Variants in RAD51AP2 observed in about 807,000 individuals in gnomAD.
RAD51AP2 encodes RAD51-associated protein 2.
Under a neutral mutation model 85.5 loss-of-function variants are expected in RAD51AP2, and 67 were observed. The observed-to-expected ratio is 0.78, with a 90% CI of 0.64 to 0.96. The LOEUF (loss-of-function observed/expected upper bound fraction) is 0.96. RAD51AP2 is among the 40% of genes least tolerant of loss of function. The pLI, the probability that RAD51AP2 is intolerant of heterozygous loss-of-function variation, is 0.00. For missense variants in RAD51AP2, 1,307 were observed against 1,332.4 expected, an observed-to-expected ratio of 0.98 and a Z score of 0.30; for synonymous variants, 474 against 446.5, an observed-to-expected ratio of 1.06 and a Z score of -0.78.
At position 17,518,162 on chromosome 2, in the gene RAD51AP2, G is replaced by C. The variant is rs1173476106; in HGVS notation, c.254C>G (p.Ser85Cys). The C allele has an allele frequency of 1.9e-6, 3 of 1,614,042 alleles. No homozygotes were observed. In the Admixed American group the frequency reaches 5.0e-5, roughly 27 times the overall value. The change falls in exon 1 of 3, where the codon TCC (serine) becomes TGC (cysteine). Residue 85 changes from serine to cysteine, a missense_variant. Ser to Cys is a moderately radical substitution (Grantham distance 112, BLOSUM62 -1). Transcript: ENST00000399080. Reference protein sequence around the residue: ...LVSTNAIFDNSTDSCVEKSVS... With the variant: ...LVSTNAIFDNCTDSCVEKSVS... ...TGATTTCTCCACACACGAGTCTGTG[G>C]AGTTATCGAAAATAGCATTCGTTGA...
rs375110589 is a variant in RAD51AP2, at chr2:17,515,340, G to A, written c.3076C>T (p.Arg1026Cys). The A allele has an allele frequency of 1.5e-5, 24 of 1,612,010 alleles. No individual in the cohort carries two copies. The highest frequency in any genetic ancestry group is 1.6e-4 in the Middle Eastern group (1 of 6,078). Residue 1026 changes from arginine (R) to cysteine (C), a missense_variant, in exon 1 of 3, where the codon CGT (arginine) becomes TGT (cysteine). Arg to Cys is a radical substitution (Grantham distance 180). Coordinates refer to ENST00000399080, the MANE Select transcript of RAD51AP2 (RefSeq NM_001099218.3). ...DLKMVVVNKI[R>C]ASSSFHDTIA... The stretch of plus-strand genomic sequence containing the variant: ...GTATCATGGAACGAGGAAGATGCAC[G>A]TATTTTGTTGACCACAACCATTTTC...
Position 17,517,925 on chromosome 2 carries a change from A to G in RAD51AP2, c.491T>C (p.Ile164Thr). ...ATTTCTAATTCCATGTATATCGTGTATAGAGGTGCTGGGCAGAAGTTGACT... is the reference window on the plus strand; with the variant it reads ...ATTTCTAATTCCATGTATATCGTGTGTAGAGGTGCTGGGCAGAAGTTGACT... ...GVSQLLPSTSIHDIHGIRNEN... is the reference protein window; with the variant it reads ...GVSQLLPSTSTHDIHGIRNEN... The change falls in exon 1 of 3, where the codon ATA (isoleucine) becomes ACA (threonine). Residue 164 changes from isoleucine to threonine, a missense_variant. Ile to Thr is a moderately conservative substitution (Grantham distance 89, BLOSUM62 -1). This residue lies in a region of RAD51AP2 where 635 missense variants were observed against 643.6 expected (regional missense o/e 0.99). Transcript: ENST00000399080. The G allele has an allele frequency of 6.2e-7, 1 of 1,614,134 alleles. No individual in the cohort carries two copies. Among genetic ancestry groups the G allele is most frequent in the South Asian group, 1.1e-5 (1 of 91,080 alleles).
the RAD51AP2 span, among the ~76,000 whole-genome samples, chr2:17,525,139 G>C: frequency 3.3e-5 from 5 of 151,778 alleles, no homozygotes; most frequent in Admixed American, 6.6e-5. Flanking sequence ...AAGCAACAAG[G>C]GCCTGGAAGA....
At chr2:17,524,228 T>C in the RAD51AP2 span, among the ~76,000 whole-genome samples, 1 of 151,958 alleles carries the variant, frequency 6.6e-6, no homozygotes, top group Non-Finnish European at 1.5e-5. Flanking sequence ...ATTCATGTGT[T>C]TTGTTGTTTT....
chr2:17,531,287 C>T, the RAD51AP2 span, among the ~76,000 whole-genome samples: 1 of 152,226 alleles, frequency 6.6e-6, no homozygotes, highest in Admixed American at 6.5e-5. Flanking sequence ...GTAATATTCA[C>T]ATACTGGGGA....
chr2:17,535,020 C>T, the RAD51AP2 span, among the ~76,000 whole-genome samples: 1 of 152,118 alleles, frequency 6.6e-6, no homozygotes, highest in Non-Finnish European at 1.5e-5. Context: ...GATGTATTGT[C>T]ATTATATAGT....
upstream of RAD51AP2, chr2:17,518,477 T>C: frequency 6.5e-7 from 1 of 1,548,268 alleles, no homozygotes; most frequent in Non-Finnish European, 8.7e-7. Context: ...AATAGGCGGT[T>C]CCGGGCCGCT....
rs1662612844 is a variant in RAD51AP2 at position 17,515,157 on chromosome 2, T to G, written c.3247+12A>C. On this transcript the variant is annotated intron_variant, in intron 1 of 2. Coordinates refer to ENST00000399080, the MANE Select transcript of RAD51AP2 (RefSeq NM_001099218.3). ...TAGCATGAGAAATAATGTTCTAAAA[T>G]GAATTTCATACCTTTCTCAGAAGTA... 2.6e-6 allele frequency: 4 copies of G among 1,535,440 alleles called. No homozygotes were observed. The highest frequency in any genetic ancestry group is 3.5e-6 in the Non-Finnish European group (4 of 1,146,444).
the RAD51AP2 span, among the ~76,000 whole-genome samples, chr2:17,530,584 C>CAAAAAAAAA: frequency 2.5e-5 from 2 of 80,248 alleles, no homozygotes; most frequent in African/African-American, 1.2e-4. Context: ...GGCCCTGTCT[C>CAAAAAAAAA]AAAAAAAAAA....
chr2:17,519,654 C>A (rs888929062), upstream of RAD51AP2, among the ~76,000 whole-genome samples: 1 of 152,100 alleles, frequency 6.6e-6, no homozygotes, highest in Non-Finnish European at 1.5e-5. Context: ...GTAAATTCCT[C>A]TAGAGAAATG....
rs1322280069 is a variant in RAD51AP2, at chr2:17,517,828, G to C, written c.588C>G (p.Thr196=). ...VHKENPFLDV[T]FYKETKSPFH... is the part of the protein sequence containing the mutation. Reference sequence around the variant, plus strand: ...ATGGTGATTTAGTTTCCTTGTAAAAGGTAACATCTAAAAATGGATTTTCTT... The same window carrying C: ...ATGGTGATTTAGTTTCCTTGTAAAACGTAACATCTAAAAATGGATTTTCTT... Residue 196 remains threonine (T), a synonymous_variant, in exon 1 of 3, where the codon ACC becomes ACG. Transcript: ENST00000399080. 4 of 1,614,066 alleles carry C rather than the reference G, an allele frequency of 2.5e-6. No homozygotes were observed. In the Admixed American group the frequency reaches 5.0e-5, roughly 20 times the overall value.
the RAD51AP2 span, among the ~76,000 whole-genome samples, chr2:17,525,835 G>A: frequency 0.016 from 2,371 of 151,974 alleles, 72 homozygotes; most frequent in African/African-American, 0.055. Context: ...ATAGAATACG[G>A]GCTGCTTGGT....
At chr2:17,520,280 T>C (rs1395955668), upstream of RAD51AP2, among the ~76,000 whole-genome samples, 2 of 152,176 alleles carry the variant, frequency 1.3e-5, no homozygotes, top group African/African-American at 2.4e-5. Context: ...ACAATGGCTA[T>C]TGAAACCACT....
chr2:17,515,358 C>A lies in RAD51AP2; in HGVS notation c.3058G>T (p.Val1020Phe). ...KMEIEKDLKM[V>F]VVNKIRASSS... The stretch of plus-strand genomic sequence containing the variant: ...GATGCACGTATTTTGTTGACCACAA[C>A]CATTTTCAAATCTTTTTCTATCTCC... Residue 1020 changes from valine (V) to phenylalanine (F), a missense_variant, in exon 1 of 3, where the codon GTT becomes TTT. Physicochemically the swap from Val to Phe is conservative, Grantham distance 50. This residue lies in a region of RAD51AP2 where 668 missense variants were observed against 671.0 expected (regional missense o/e 1.00). Transcript: ENST00000399080. 1 of 1,611,802 alleles carries A rather than the reference C, an allele frequency of 6.2e-7. No homozygotes were observed. The highest frequency in any genetic ancestry group is 8.5e-7 in the Non-Finnish European group (1 of 1,179,404).
In RAD51AP2 at chr2:17,515,556, C is replaced by G; in HGVS notation, c.2860G>C (p.Glu954Gln). 1 of 1,608,800 alleles carries G rather than the reference C, an allele frequency of 6.2e-7. No homozygotes were observed. The highest frequency in any genetic ancestry group is 8.5e-7 in the Non-Finnish European group (1 of 1,178,552). The change falls in exon 1 of 3, where the codon GAA becomes CAA. Residue 954 changes from glutamate to glutamine, a missense_variant. Glu to Gln is a conservative substitution (Grantham distance 29, BLOSUM62 2). This residue lies in a region of RAD51AP2 where 668 missense variants were observed against 671.0 expected (regional missense o/e 1.00). Transcript: ENST00000399080. ...QDLAAKYLSTEALTIVKDFEM... is the reference protein window; with the variant it reads ...QDLAAKYLSTQALTIVKDFEM... The stretch of plus-strand genomic sequence containing the variant: ...AAATCTTTTACTATTGTCAGAGCTT[C>G]TGTTGATAAATATTTAGCAGCTAAG...
the RAD51AP2 span, among the ~76,000 whole-genome samples, chr2:17,527,084 A>G: frequency 6.6e-6 from 1 of 152,224 alleles, no homozygotes; most frequent in Admixed American, 6.5e-5. Flanking sequence ...AATATAGAGT[A>G]GTAAAGAACA....
chr2:17,518,871 C>G (rs938077040), upstream of RAD51AP2, among the ~76,000 whole-genome samples: 4 of 152,044 alleles, frequency 2.6e-5, no homozygotes, highest in African/African-American at 9.7e-5. Context: ...CACAACGGCT[C>G]GAGTGACTCT....
chr2:17,518,062 G>C lies in RAD51AP2; in HGVS notation c.354C>G (p.Pro118=), dbSNP rs1263503416. The change falls in exon 1 of 3, where the codon CCC becomes CCG. Residue 118 remains proline (P), a synonymous_variant. Coordinates refer to ENST00000399080, the MANE Select transcript of RAD51AP2 (RefSeq NM_001099218.3). ...AATCAGAATCAGGACTTTGTGAGGG[G>C]GGAGACTGCAAACAGCTACTCATTT... The part of the protein sequence containing the change: ...KFQMSSCLQS[P]PSQSPDSDLR... 7 of 1,614,124 alleles carry C rather than the reference G, an allele frequency of 4.3e-6. No individual in the cohort carries two copies. Among genetic ancestry groups the C allele is most frequent in the Non-Finnish European group, 5.1e-6 (6 of 1,180,028 alleles).
intron 1 of RAD51AP2, 144 bp from the exon 2 acceptor site, chr2:17,514,236 T>C: frequency 1.3e-6 from 1 of 748,934 alleles, no homozygotes; most frequent in Non-Finnish European, 2.3e-6. Flanking sequence ...TCAAAGCTCC[T>C]TTTTAAAATT....
Sources: allele counts gnomAD v4.1 joint callset (sites outside exome capture counted in the v4.1 genomes callset), GRCh38; gene constraint gnomAD v4.1.1; regional missense constraint gnomAD v4.1.1; transcripts MANE v1.5; gene names NCBI Gene and HGNC (gene_info 2026-07-23, HGNC 2026-07-21).